The following WWOX variants were observed in gnomAD, a reference collection of about 807,000 sequenced individuals.
WWOX encodes the protein WW domain containing oxidoreductase, also known as WW domain-containing oxidoreductase.
In WWOX, 69 loss-of-function variants were observed where a neutral mutation model predicts 46.2. That is an observed-to-expected ratio of 1.49 (90% CI 1.23 to 1.82). WWOX has a LOEUF of 1.82. Among genes scored for constraint, WWOX ranks in the 40% most tolerant of loss-of-function variants. WWOX has a pLI of 0.00. For synonymous variants in WWOX, 359 were observed against 202.6 expected (o/e 1.77, Z -6.56); for missense variants, 919 against 542.6 (o/e 1.69, Z -6.89).
At chr16:78,905,141 G>A (rs1447719796) in intron 8 of WWOX, among the ~76,000 whole-genome samples, 1 of 152,146 alleles carries the variant, frequency 6.6e-6, no homozygotes. Context: ...ATTTGGAACT[G>A]ACCCTCTATG....
At chr16:78,691,310 A>G (rs1567494091) in intron 8 of WWOX, 2 of 701,022 alleles carry the variant, frequency 2.9e-6, no homozygotes, top group Non-Finnish European at 5.2e-6. Flanking sequence ...CTTACCTTGT[A>G]AAAGATTTAC....
intron 8 of WWOX, among the ~76,000 whole-genome samples, chr16:78,588,917 G>A (rs2045286153): frequency 6.6e-6 from 1 of 152,178 alleles, no homozygotes. Flanking sequence ...TTCTCAGGAA[G>A]AAGTGGCAGT....
At position 78,459,648 on chromosome 16, in the gene WWOX, T is replaced by G. The variant is rs767316197; in HGVS notation, c.1056+26896T>G. ...ATTTGCGTGTGCCATTATTATAGAT[T>G]GCTGATGTTTGCCAATGGATATTCT... On this transcript the variant is annotated intron_variant, in intron 8 of 8. Coordinates refer to ENST00000566780, the MANE Select transcript of WWOX (RefSeq NM_016373.4). Among the ~76,000 whole-genome samples, 14 of 152,206 alleles carry G rather than the reference T, an allele frequency of 9.2e-5. 1 individual carries two copies. Among genetic ancestry groups the G allele is most frequent in the Non-Finnish European group, 2.1e-4 (14 of 68,032 alleles).
chr16:79,032,391 ATATT>A (rs201538804), intron 8 of WWOX, among the ~76,000 whole-genome samples: 8,868 of 146,812 alleles, frequency 0.06, 312 homozygotes, highest in Middle Eastern at 0.1. Context: ...TATGTAATAT[ATATT>A]AATATGTAGG....
At chr16:78,745,081 T>G (rs2049316941) in intron 8 of WWOX, among the ~76,000 whole-genome samples, 1 of 152,038 alleles carries the variant, frequency 6.6e-6, no homozygotes, top group African/African-American at 2.4e-5. Context: ...AATGGAGATC[T>G]CAAGAGGTAA....
At chr16:78,520,985 G>T (rs2151498394) in intron 8 of WWOX, among the ~76,000 whole-genome samples, 1 of 152,286 alleles carries the variant, frequency 6.6e-6, no homozygotes, top group African/African-American at 2.4e-5. Context: ...GAGCAGTTAT[G>T]GGTGAAGGGC....
intron 8 of WWOX, among the ~76,000 whole-genome samples, chr16:78,810,651 G>A (rs1011423258): frequency 1.3e-5 from 2 of 152,174 alleles, no homozygotes; most frequent in African/African-American, 4.8e-5. Flanking sequence ...AGGACGTTTG[G>A]TTCTAATTGT....
At chr16:78,669,113 T>G (rs1450480044) in intron 8 of WWOX, among the ~76,000 whole-genome samples, 1 of 151,862 alleles carries the variant, frequency 6.6e-6, no homozygotes, top group Non-Finnish European at 1.5e-5. Context: ...CAAAACCACC[T>G]CCGTTGCTGT....
At chr16:78,413,873 G>C (rs547610120) in intron 6 of WWOX, among the ~76,000 whole-genome samples, 59 of 151,732 alleles carry the variant, frequency 3.9e-4, no homozygotes, top group African/African-American at 1.4e-3. Flanking sequence ...TGTAATCCCA[G>C]TACTTTGGGA....
At chr16:78,778,742 A>C (rs1196487662) in intron 8 of WWOX, among the ~76,000 whole-genome samples, 1 of 152,160 alleles carries the variant, frequency 6.6e-6, no homozygotes, top group Non-Finnish European at 1.5e-5. Context: ...ACTTCTCTTG[A>C]AAAACTCAAA....
intron 8 of WWOX, chr16:78,891,487 A>C (rs1201969702): frequency 6.6e-6 from 1 of 152,174 alleles, no homozygotes; most frequent in Non-Finnish European, 1.5e-5. Context: ...AATCAATAGC[A>C]ATATGATTAC....
intron 8 of WWOX, among the ~76,000 whole-genome samples, chr16:78,497,349 T>C (rs2084942610): frequency 6.6e-6 from 1 of 152,224 alleles, no homozygotes; most frequent in African/African-American, 2.4e-5. Flanking sequence ...ACATAAGATC[T>C]GACAGTGTAA....
intron 6 of WWOX, among the ~76,000 whole-genome samples, chr16:78,399,398 C>G (rs1271827062): frequency 6.6e-6 from 1 of 152,130 alleles, no homozygotes; most frequent in Non-Finnish European, 1.5e-5. Context: ...AGGCACATAA[C>G]CCAAAGGTTT....
At chr16:78,837,839 C>T (rs2052031533) in intron 8 of WWOX, among the ~76,000 whole-genome samples, 1 of 152,168 alleles carries the variant, frequency 6.6e-6, no homozygotes, top group Admixed American at 6.5e-5. Flanking sequence ...TTTTCATAGT[C>T]ATCCTGTGTA....
At chr16:79,194,089 G>T (rs571768144) in intron 8 of WWOX, among the ~76,000 whole-genome samples, 2 of 152,184 alleles carry the variant, frequency 1.3e-5, no homozygotes, top group African/African-American at 4.8e-5. Flanking sequence ...CTGTGTGTGT[G>T]TATGTGTACA....
chr16:78,108,252 C>T (rs73562775), intron 1 of WWOX, among the ~76,000 whole-genome samples, 171 bp from the exon 2 acceptor site: 2 of 150,802 alleles, frequency 1.3e-5, no homozygotes, highest in African/African-American at 4.9e-5. Context: ...AGTGATTCAG[C>T]AAACCTCCTA....
At chr16:78,429,442 G>A (rs1403284186) in intron 7 of WWOX, among the ~76,000 whole-genome samples, 1 of 152,158 alleles carries the variant, frequency 6.6e-6, no homozygotes, top group Non-Finnish European at 1.5e-5. Context: ...CTGTGGAAGA[G>A]TTCATTATGG....
At chr16:78,592,590 C>T (rs544305158) in intron 8 of WWOX, among the ~76,000 whole-genome samples, 1 of 152,272 alleles carries the variant, frequency 6.6e-6, no homozygotes, top group South Asian at 2.1e-4. Flanking sequence ...GGGGTTGCTT[C>T]TTTTTATTTC....
At chr16:78,931,363 C>A (rs2045620881) in intron 8 of WWOX, among the ~76,000 whole-genome samples, 1 of 152,150 alleles carries the variant, frequency 6.6e-6, no homozygotes, top group Admixed American at 6.5e-5. Flanking sequence ...AGGGTACCTG[C>A]CCTGCTAAGG....
Sources: gnomAD v4.1 joint callset for allele counts (sites outside exome capture counted in the v4.1 genomes callset) on GRCh38, gnomAD v4.1.1 for gene constraint, MANE v1.5 for transcripts, NCBI Gene and HGNC (gene_info 2026-07-23, HGNC 2026-07-21) for gene names.